Variants in OVCH1 observed in about 807,000 individuals in gnomAD.
OVCH1 encodes the protein ovochymase-1.
In OVCH1, 139 loss-of-function variants were observed where a neutral mutation model predicts 138.4. The ratio of observed to expected loss-of-function variants is 1.00; its 90% CI spans 0.87 to 1.16. OVCH1 has a LOEUF of 1.16. Among genes scored for constraint, OVCH1 ranks in the 50% most tolerant of loss-of-function variants. The pLI, the probability that OVCH1 is intolerant of heterozygous loss-of-function variation, is 0.00. For missense variants in OVCH1, 1,367 were observed against 1,357.9 expected (o/e 1.01, Z -0.11); for synonymous variants, 453 against 467.8 (o/e 0.97, Z 0.41).
intron 3 of OVCH1, among the ~76,000 whole-genome samples, chr12:29,495,743 A>G (rs1370095733): frequency 6.6e-6 from 1 of 152,192 alleles, no homozygotes; most frequent in Admixed American, 6.5e-5. Context: ...GCCATTTGTA[A>G]CAGGATACAG....
chr12:29,496,375 A>C, intron 2 of OVCH1, 97 bp from the exon 3 acceptor site: 1 of 1,215,104 alleles, frequency 8.2e-7, no homozygotes, highest in Non-Finnish European at 1.2e-6. Flanking sequence ...ATCTGACATA[A>C]TATTCTTAAA....
At chr12:29,473,672 T>C (rs1420303748) in intron 14 of OVCH1, among the ~76,000 whole-genome samples, 3 of 152,116 alleles carry the variant, frequency 2.0e-5, no homozygotes, top group Non-Finnish European at 2.9e-5. Flanking sequence ...CAAGCTAGGA[T>C]CTTGAAAATC....
chr12:29,471,209 A>G (rs766666264), intron 16 of OVCH1, among the ~76,000 whole-genome samples: 2 of 152,210 alleles, frequency 1.3e-5, no homozygotes, highest in African/African-American at 2.4e-5. Context: ...TCTTTAAACT[A>G]CAAATATATT....
At chr12:29,404,263 G>T in the OVCH1 span, among the ~76,000 whole-genome samples, 2 of 152,194 alleles carry the variant, frequency 1.3e-5, no homozygotes, top group African/African-American at 4.8e-5. Flanking sequence ...AGTGACTGCT[G>T]CCTCAGCTCA....
chr12:29,478,841 G>T (rs1474310938), exon 9 of OVCH1: 1 of 1,578,980 alleles, frequency 6.3e-7, no homozygotes, highest in Admixed American at 1.8e-5. Flanking sequence ...TTACTAAAAA[G>T]CACTCCACTG....
chr12:29,449,374 A>AT lies in OVCH1; in HGVS notation c.2755+1970dup, dbSNP rs1280419250. Among the ~76,000 whole-genome samples, 253 of 148,568 alleles carry AT rather than the reference A, an allele frequency of 1.7e-3. 1 individual carries two copies. Among genetic ancestry groups the AT allele is most frequent in the South Asian group, 7.5e-3 (35 of 4,672 alleles). Reference sequence around the variant, plus strand: ...TTCAAAGTACTTGAAAATGTTAAGGATTTTTTTTTTCTAATTCTGTGAAGA... The same window carrying AT: ...TTCAAAGTACTTGAAAATGTTAAGGATTTTTTTTTTTCTAATTCTGTGAAGA... On this transcript the variant is annotated intron_variant, in intron 22 of 27. Coordinates refer to ENST00000318184, the Ensembl canonical transcript of OVCH1.
the OVCH1 span, among the ~76,000 whole-genome samples, chr12:29,403,988 CT>C: frequency 2.6e-5 from 4 of 152,354 alleles, no homozygotes; most frequent in East Asian, 7.7e-4. Flanking sequence ...ACAACATTAA[CT>C]TTCTGTGACC....
intron 16 of OVCH1, among the ~76,000 whole-genome samples, chr12:29,465,772 G>T (rs1274285293): frequency 4.0e-5 from 6 of 151,858 alleles, no homozygotes; most frequent in Admixed American, 1.3e-4. Context: ...AGGTCGAGGA[G>T]GAAAAATGAA....
chr12:29,414,020 C>CTTT (rs74937229), intron 3 of OVCH1, among the ~76,000 whole-genome samples: 36 of 38,504 alleles, frequency 9.3e-4, no homozygotes, highest in African/African-American at 1.8e-3. Context: ...CTCTCTCTCT[C>CTTT]TTTTTTTTTT....
At position 29,461,786 on chromosome 12, in the gene OVCH1, CT is replaced by C. The variant is rs1224547045; in HGVS notation, c.2280+67del. On this transcript the variant is annotated intron_variant, in intron 19 of 27. Coordinates refer to ENST00000318184, the Ensembl canonical transcript of OVCH1. ...TTGGTGATTTCAGCAATGGTTTCTC[CT>C]GTCTATAGAAACTCTTCAGCAGATG... 3.8e-6 allele frequency: 6 copies of C among 1,581,572 alleles called. No homozygotes were observed. In the Admixed American group the frequency reaches 1.0e-4, roughly 27 times the overall value.
At chr12:29,445,183 T>C in intron 23 of OVCH1, 95 bp downstream of exon 23, 1 of 1,324,654 alleles carries the variant, frequency 7.5e-7, no homozygotes. Flanking sequence ...GAAACATAAT[T>C]TCTTTCAAAA....
exon 8 of OVCH1, chr12:29,486,315 C>T: frequency 1.2e-6 from 2 of 1,613,736 alleles, no homozygotes; most frequent in South Asian, 1.1e-5. Flanking sequence ...ATACCTTGAG[C>T]CCACTTTTGA....
At chr12:29,410,962 T>C (rs1233722114), downstream of OVCH1, among the ~76,000 whole-genome samples, 1 of 152,064 alleles carries the variant, frequency 6.6e-6, no homozygotes, top group Non-Finnish European at 1.5e-5. Flanking sequence ...CAGACATAGA[T>C]TTGGTCTTTT....
intron 5 of OVCH1, 138 bp from the exon 6 acceptor site, chr12:29,489,909 TCAC>T: frequency 1.0e-6 from 1 of 976,184 alleles, no homozygotes; most frequent in Admixed American, 2.9e-5. Context: ...TGAATCATAT[TCAC>T]TTCTAAAAAT....
At chr12:29,439,777 C>T (rs1416928943) in intron 25 of OVCH1, among the ~76,000 whole-genome samples, 76 bp downstream of exon 26, 1 of 152,200 alleles carries the variant, frequency 6.6e-6, no homozygotes, top group Non-Finnish European at 1.5e-5. Context: ...AGCAATAAAT[C>T]AGAGGTTCCC....
chr12:29,414,018 CTCTTTTTTTT>C (rs1565560271), intron 3 of OVCH1, among the ~76,000 whole-genome samples: 1 of 29,174 alleles, frequency 3.4e-5, no homozygotes, highest in East Asian at 9.8e-4. Flanking sequence ...CTCTCTCTCT[CTCTTTTTTTT>C]TTTTTTTTTT....
At chr12:29,406,039 C>A in the OVCH1 span, among the ~76,000 whole-genome samples, 1 of 152,328 alleles carries the variant, frequency 6.6e-6, no homozygotes, top group African/African-American at 2.4e-5. Context: ...ACCAATCCAT[C>A]ATTTCAGAAA....
At chr12:29,455,814 T>C (rs1233769086) in intron 19 of OVCH1, among the ~76,000 whole-genome samples, 2 of 151,918 alleles carry the variant, frequency 1.3e-5, no homozygotes, top group Non-Finnish European at 2.9e-5. Context: ...ACAAGAAATG[T>C]GCTGCCTGTT....
At position 29,461,729 on chromosome 12, in the gene OVCH1, T is replaced by G. The variant is rs367661685; in HGVS notation, c.2280+125A>C. The stretch of plus-strand genomic sequence containing the variant: ...ACTTCTGTTGCCCCACTGGTCTTCA[T>G]GCAGGGATATGATATTGAAGCACGT... On this transcript the variant is annotated intron_variant, in intron 19 of 27. Coordinates refer to ENST00000318184, the Ensembl canonical transcript of OVCH1. The G allele has an allele frequency of 3.3e-6, 4 of 1,194,744 alleles. No homozygotes were observed. In the South Asian group the frequency reaches 3.8e-5, roughly 11 times the overall value. 74.0% of individuals were successfully genotyped at this position (1,194,744 alleles called of 1,614,324 possible).
Sources: gnomAD v4.1 joint callset for allele counts (sites outside exome capture counted in the v4.1 genomes callset) on GRCh38, gnomAD v4.1.1 for gene constraint, MANE v1.5 for transcripts, NCBI Gene and HGNC (gene_info 2026-07-23, HGNC 2026-07-21) for gene names.